The following C1orf54 variants were observed in gnomAD, a reference collection of about 807,000 sequenced individuals.
C1orf54 encodes chromosome 1 open reading frame 54, also known as uncharacterized protein C1orf54.
In C1orf54, 12 loss-of-function variants were observed where a neutral mutation model predicts 14.7. The observed-to-expected ratio is 0.82, with a 90% confidence interval of 0.52 to 1.32. The LOEUF is 1.32. Ranked by LOEUF, C1orf54 falls within the 40% of genes most tolerant of loss-of-function variation. The pLI, the probability that C1orf54 is intolerant of heterozygous loss-of-function variation, is 0.00. For missense variants in C1orf54, 163 were observed against 162.2 expected, an observed-to-expected ratio of 1.00 and a Z score of -0.03; for synonymous variants, 65 against 56.3, an observed-to-expected ratio of 1.16 and a Z score of -0.70.
chr1:150,275,815 A>G lies in C1orf54; in HGVS notation c.189+16A>G. 1.3e-6 allele frequency: 2 copies of G among 1,598,818 alleles called. No homozygotes were observed. Among genetic ancestry groups the G allele is most frequent in the Non-Finnish European group, 1.7e-6 (2 of 1,166,450 alleles). ...GGACAGGCTGGTGAGTGAACTCTAC[A>G]TCTAAAAGGGTTAGGATAAGTAACA... On this transcript the variant is annotated intron_variant, in intron 3 of 5. Coordinates refer to ENST00000369099, the MANE Select transcript of C1orf54 (RefSeq NM_024579.4).
At chr1:150,271,170 T>C (rs1262136770), upstream of C1orf54, among the ~76,000 whole-genome samples, 3 of 151,180 alleles carry the variant, frequency 2.0e-5, 1 homozygote, top group East Asian at 5.9e-4. Context: ...TGGAGTACAG[T>C]GGTGCTATCT....
At chr1:150,269,116 T>G (rs1652027757), upstream of C1orf54, 1 of 314,968 alleles carries the variant, frequency 3.2e-6, no homozygotes, top group African/African-American at 2.1e-5. Flanking sequence ...CTCGACCTGC[T>G]GGGAGTTGTA....
chr1:150,271,451 A>T (rs1017953144), upstream of C1orf54, among the ~76,000 whole-genome samples: 1 of 152,320 alleles, frequency 6.6e-6, no homozygotes, highest in Admixed American at 6.5e-5. Context: ...CTGACCATTG[A>T]CAGGAGGCTG....
upstream of C1orf54, among the ~76,000 whole-genome samples, chr1:150,270,722 C>T (rs943533832): frequency 3.3e-5 from 5 of 151,970 alleles, no homozygotes; most frequent in African/African-American, 9.7e-5. Context: ...GGTAGCTGGG[C>T]GCAGTGGCTC....
At position 150,279,707 on chromosome 1, in the gene C1orf54, C is replaced by G. The variant is rs782582490; in HGVS notation, c.365C>G (p.Ala122Gly). 2 of 1,612,936 alleles carry G rather than the reference C, an allele frequency of 1.2e-6. No homozygotes were observed. Among genetic ancestry groups the G allele is most frequent in the Non-Finnish European group, 1.7e-6 (2 of 1,179,522 alleles). Residue 122 changes from alanine (A) to glycine (G), a missense_variant, in exon 5 of 6, where the codon GCC (alanine) becomes GGC (glycine). Transcript: ENST00000369099. ...CCTATTCCCCTCCTCCTGTCGTGTG[C>G]CTTTGTTCAGGTGGGGATGTATTTC... is the stretch of plus-strand genomic sequence containing the variant. Reference protein sequence around the residue: ...RSPIPLLLSCAFVQVGMYFM With the variant: ...RSPIPLLLSCGFVQVGMYFM
chr1:150,272,823 T>C lies in C1orf54; in HGVS notation c.6T>C (p.Asp2=), dbSNP rs201581065. ...GCAATAGTGCAGAATCCAGAATGGA[T>C]GTCCTCTTTGTAGCCATCTTTGCTG... The part of the protein sequence containing the change: M[D]VLFVAIFAVP... Residue 2 remains aspartate (D), a synonymous_variant, in exon 1 of 6, where the codon GAT becomes GAC. Coordinates refer to ENST00000369099, the MANE Select transcript of C1orf54 (RefSeq NM_024579.4). 2 of 1,614,204 alleles carry C rather than the reference T, an allele frequency of 1.2e-6. No individual in the cohort carries two copies. The highest frequency in any genetic ancestry group is 2.7e-5 in the African/African-American group (2 of 75,048).
upstream of C1orf54, among the ~76,000 whole-genome samples, chr1:150,270,239 T>C (rs972453511): frequency 2.8e-4 from 42 of 152,198 alleles, no homozygotes; most frequent in Non-Finnish European, 1.0e-4. Flanking sequence ...CCAAACTTCC[T>C]TTCCTTCCTG....
chr1:150,271,310 A>G (rs1263668808), upstream of C1orf54, among the ~76,000 whole-genome samples: 1 of 152,098 alleles, frequency 6.6e-6, no homozygotes, highest in Non-Finnish European at 1.5e-5. Context: ...ACAAGGTTTC[A>G]CCATGTTGGC....
At chr1:150,270,316 T>C (rs1160700652), upstream of C1orf54, among the ~76,000 whole-genome samples, 1 of 152,190 alleles carries the variant, frequency 6.6e-6, no homozygotes, top group Non-Finnish European at 1.5e-5. Flanking sequence ...TTCCAGGATA[T>C]TCTGGAAAGG....
At chr1:150,274,780 GC>G (rs1278757795) in intron 2 of C1orf54, among the ~76,000 whole-genome samples, 1 of 151,320 alleles carries the variant, frequency 6.6e-6, no homozygotes, top group Non-Finnish European at 1.5e-5. Context: ...GGGCATGGTG[GC>G]ACCTGCCTGT....
intron 5 of C1orf54, 82 bp downstream of exon 5, chr1:150,279,823 C>A: frequency 1.7e-6 from 2 of 1,165,792 alleles, no homozygotes; most frequent in Non-Finnish European, 2.5e-6. Context: ...GTAATTCTTA[C>A]CAGTATCTCT....
chr1:150,269,765 T>G (rs1031615161), upstream of C1orf54, among the ~76,000 whole-genome samples: 5 of 151,902 alleles, frequency 3.3e-5, no homozygotes, highest in Admixed American at 6.6e-5. Context: ...TTAGAGTGAA[T>G]GAAAGTTAAA....
upstream of C1orf54, chr1:150,269,724 G>A (rs1180929780): frequency 6.6e-6 from 1 of 151,764 alleles, no homozygotes; most frequent in East Asian, 1.9e-4. Flanking sequence ...CCTCAGTGGT[G>A]CGTTTTCCTG....
chr1:150,277,406 G>A (rs1197301042), intron 4 of C1orf54, among the ~76,000 whole-genome samples: 1 of 149,978 alleles, frequency 6.7e-6, no homozygotes, highest in African/African-American at 2.4e-5. Context: ...GGGAAGCTGA[G>A]GCATGAGAAT....
chr1:150,277,065 G>A (rs1652716621), intron 4 of C1orf54, among the ~76,000 whole-genome samples: 1 of 152,228 alleles, frequency 6.6e-6, no homozygotes. Flanking sequence ...TAAGAAGAGA[G>A]ATTAGTACAG....
upstream of C1orf54, chr1:150,268,911 C>A: frequency 9.8e-7 from 1 of 1,016,592 alleles, no homozygotes. Flanking sequence ...CGCGACCCCA[C>A]GAGGGGCGCG....
At chr1:150,273,097 A>G (rs367550184) in intron 1 of C1orf54, among the ~76,000 whole-genome samples, 5 of 152,314 alleles carry the variant, frequency 3.3e-5, no homozygotes, top group African/African-American at 1.2e-4. Flanking sequence ...AGACACAAGG[A>G]GGCCCTAGCA....
chr1:150,279,769 GA>G (rs1376718442), intron 5 of C1orf54, 28 bp downstream of exon 5: 1 of 1,556,090 alleles, frequency 6.4e-7, no homozygotes, highest in African/African-American at 1.4e-5. Flanking sequence ...GGCTTTGGGG[GA>G]GTCTGTGAAA....
At chr1:150,277,477 T>G (rs1652754034) in intron 4 of C1orf54, among the ~76,000 whole-genome samples, 2 of 110,452 alleles carry the variant, frequency 1.8e-5, no homozygotes, top group South Asian at 6.8e-4. Flanking sequence ...TACTCCAGCC[T>G]GGGCGACAGA....
Sources: allele counts gnomAD v4.1 joint callset (sites outside exome capture counted in the v4.1 genomes callset), GRCh38; gene constraint gnomAD v4.1.1; transcripts MANE v1.5; gene names NCBI Gene and HGNC (gene_info 2026-07-23, HGNC 2026-07-21).